Variants in EBPL observed in about 807,000 individuals in gnomAD.
EBPL encodes EBP like, also known as emopamil-binding protein-like.
A neutral mutation model predicts 19.0 loss-of-function variants in EBPL; 20 were observed. The observed-to-expected ratio is 1.05, with a 90% CI of 0.74 to 1.53. The LOEUF (loss-of-function observed/expected upper bound fraction) is 1.53. Ranked by LOEUF, EBPL falls within the 40% of genes most tolerant of loss-of-function variation. The pLI, the probability that EBPL is intolerant of heterozygous loss-of-function variation, is 0.00. For synonymous variants in EBPL, 107 were observed against 117.0 expected (o/e 0.91, Z 0.55); for missense variants, 219 against 261.1 (o/e 0.84, Z 1.11).
At chr13:49,665,703 C>A (rs1965216217) in intron 2 of EBPL, among the ~76,000 whole-genome samples, 1 of 146,264 alleles carries the variant, frequency 6.8e-6, no homozygotes, top group East Asian at 2.0e-4. Context: ...CCGTGTCCAG[C>A]CTTCAACAAG....
intron 3 of EBPL, among the ~76,000 whole-genome samples, chr13:49,662,143 G>A (rs990456524): frequency 4.6e-5 from 7 of 152,084 alleles, no homozygotes; most frequent in African/African-American, 1.7e-4. Flanking sequence ...ACAGGCACCC[G>A]CCACCGTGCC....
At chr13:49,663,461 C>CCCA (rs1170579119) in intron 2 of EBPL, among the ~76,000 whole-genome samples, 1 of 152,036 alleles carries the variant, frequency 6.6e-6, no homozygotes, top group Non-Finnish European at 1.5e-5. Flanking sequence ...CCTCCTCAGC[C>CCCA]CCACCCTCTT....
chr13:49,683,814 G>A (rs1953969312), intron 1 of EBPL, among the ~76,000 whole-genome samples: 1 of 152,146 alleles, frequency 6.6e-6, no homozygotes, highest in Non-Finnish European at 1.5e-5. Flanking sequence ...CTACTAAACT[G>A]AAAGAATCCC....
chr13:49,675,865 C>T (rs1320994244), intron 1 of EBPL, among the ~76,000 whole-genome samples: 1 of 137,948 alleles, frequency 7.2e-6, no homozygotes, highest in African/African-American at 2.5e-5. Context: ...TGTTATTTTC[C>T]TTTGTTGTTA....
intron 2 of EBPL, among the ~76,000 whole-genome samples, chr13:49,667,962 C>T (rs1185720918): frequency 2.0e-5 from 3 of 152,184 alleles, no homozygotes; most frequent in African/African-American, 7.2e-5. Flanking sequence ...GAGAAGAGGA[C>T]ACTCAGCAGG....
chr13:49,678,013 C>A (rs1323016622), intron 1 of EBPL, among the ~76,000 whole-genome samples: 2 of 96,716 alleles, frequency 2.1e-5, no homozygotes, highest in African/African-American at 5.7e-5. Flanking sequence ...AAAGACTCCA[C>A]AGCGTGGAAG....
At chr13:49,673,516 C>T (rs1452457248) in intron 1 of EBPL, among the ~76,000 whole-genome samples, 1 of 152,106 alleles carries the variant, frequency 6.6e-6, no homozygotes, top group African/African-American at 2.4e-5. Flanking sequence ...TGGCTCACTG[C>T]AACCTCCACC....
At chr13:49,687,662 C>T (rs992527279) in intron 1 of EBPL, among the ~76,000 whole-genome samples, 16 of 152,258 alleles carry the variant, frequency 1.1e-4, no homozygotes, top group African/African-American at 3.9e-4. Flanking sequence ...GAAGTATGGA[C>T]AGGCCACCAC....
At chr13:49,682,390 A>ACAT (rs551365902) in intron 1 of EBPL, among the ~76,000 whole-genome samples, 174 of 152,370 alleles carry the variant, frequency 1.1e-3, no homozygotes, top group African/African-American at 4.1e-3. Context: ...TCTTAATTGG[A>ACAT]CATATACATC....
At chr13:49,686,475 CT>C in intron 1 of EBPL, 1 of 1,286,874 alleles carries the variant, frequency 7.8e-7, no homozygotes, top group Non-Finnish European at 1.0e-6. Flanking sequence ...GGTGCCTCAC[CT>C]TTTATTTTCT....
At chr13:49,683,213 G>C (rs962683847) in intron 1 of EBPL, among the ~76,000 whole-genome samples, 2 of 151,824 alleles carry the variant, frequency 1.3e-5, no homozygotes, top group African/African-American at 4.8e-5. Flanking sequence ...AACCTCAGGT[G>C]ATCCGCCCGC....
intron 2 of EBPL, among the ~76,000 whole-genome samples, chr13:49,667,066 A>ATGG (rs2137487172): frequency 6.6e-6 from 1 of 152,132 alleles, no homozygotes; most frequent in South Asian, 2.1e-4. Flanking sequence ...AGCAGAGCTG[A>ATGG]TGGTGGGGGA....
chr13:49,678,353 G>A (rs895282099), intron 1 of EBPL, among the ~76,000 whole-genome samples: 6 of 152,364 alleles, frequency 3.9e-5, no homozygotes, highest in African/African-American at 9.6e-5. Flanking sequence ...GCCCTTGGGC[G>A]GTCAATCGGA....
chr13:49,661,818 G>A, intron 3 of EBPL: 1 of 1,545,344 alleles, frequency 6.5e-7, no homozygotes, highest in Non-Finnish European at 8.7e-7. Context: ...CTTTAAATAA[G>A]ACTTCTTCAT....
At position 49,666,732 on chromosome 13, in the gene EBPL, A is replaced by C. The variant is rs1457368276; in HGVS notation, c.241+3045T>G. ...GTCTCAAAAAAAAAAAAAAAAAAAA[A>C]AACAAAAATTAGCTGGGCGTGGTGG... On this transcript the variant is annotated intron_variant, in intron 2 of 3. Coordinates refer to ENST00000242827, the MANE Select transcript of EBPL (RefSeq NM_032565.5). Among the ~76,000 whole-genome samples, 7 of 147,330 alleles carry C rather than the reference A, an allele frequency of 4.8e-5. No individual in the cohort carries two copies. The East Asian group carries it at 1.3e-3, about 26-fold the overall frequency.
At chr13:49,664,953 T>A (rs1264544360) in intron 2 of EBPL, among the ~76,000 whole-genome samples, 1 of 151,978 alleles carries the variant, frequency 6.6e-6, no homozygotes, top group Non-Finnish European at 1.5e-5. Flanking sequence ...TGCCCTCCAA[T>A]AACTAACTGG....
intron 2 of EBPL, among the ~76,000 whole-genome samples, chr13:49,667,469 T>A (rs1266518774): frequency 2.0e-5 from 3 of 152,080 alleles, no homozygotes; most frequent in African/African-American, 4.8e-5. Flanking sequence ...GAAGCCAAGG[T>A]CAGAACACAG....
At chr13:49,661,293 G>A (rs893850163) in intron 3 of EBPL, 85 bp from the exon 4 acceptor site, 3 of 1,097,508 alleles carry the variant, frequency 2.7e-6, no homozygotes, top group Non-Finnish European at 4.0e-6. Flanking sequence ...TGTAATGGCG[G>A]CATCAACAGT....
chr13:49,675,458 T>C (rs955802891), intron 1 of EBPL, among the ~76,000 whole-genome samples: 15 of 152,258 alleles, frequency 9.9e-5, no homozygotes, highest in African/African-American at 2.4e-5. Flanking sequence ...TGTCCTTTCA[T>C]GTCTGGGTTA....
Sources: gnomAD v4.1 joint callset for allele counts (sites outside exome capture counted in the v4.1 genomes callset) on GRCh38, gnomAD v4.1.1 for gene constraint, MANE v1.5 for transcripts, NCBI Gene and HGNC (gene_info 2026-07-23, HGNC 2026-07-21) for gene names.